ABCB1: variants seen among roughly 807,000 people sequenced by gnomAD.
ABCB1 encodes the protein ATP binding cassette subfamily B member 1, also known as ATP-dependent translocase ABCB1.
In ABCB1, 69 loss-of-function variants were observed where a neutral mutation model predicts 142.0. The ratio of observed to expected loss-of-function variants is 0.49; its 90% CI spans 0.40 to 0.59. ABCB1 has a LOEUF of 0.59. ABCB1 is among the 20% of genes least tolerant of loss of function. The probability of loss-of-function intolerance (pLI) is 0.00; values close to 1 mark genes in which losing one functional copy is unlikely to be tolerated. For missense variants in ABCB1, 1,326 were observed against 1,554.7 expected, an observed-to-expected ratio of 0.85 and a Z score of 2.47; for synonymous variants, 532 against 539.2, an observed-to-expected ratio of 0.99 and a Z score of 0.18.
chr7:87,571,399 G>C (rs548695218), intron 4 of ABCB1, among the ~76,000 whole-genome samples: 1 of 152,260 alleles, frequency 6.6e-6, no homozygotes, highest in Admixed American at 6.5e-5. Context: ...TGTTCTACGA[G>C]AGTTTAGCCA....
At chr7:87,677,191 A>G (rs1826453757) in intron 1 of ABCB1, among the ~76,000 whole-genome samples, 1 of 151,884 alleles carries the variant, frequency 6.6e-6, no homozygotes, top group South Asian at 2.1e-4. Flanking sequence ...TGTTTATTGC[A>G]GGATTTTTAA....
intron 21 of ABCB1, among the ~76,000 whole-genome samples, chr7:87,529,360 T>A (rs1432815435): frequency 6.6e-6 from 1 of 152,214 alleles, no homozygotes; most frequent in Non-Finnish European, 1.5e-5. Context: ...AGAAGTGTGT[T>A]CAGGTGGAAG....
chr7:87,617,037 AT>A (rs1397127977), intron 1 of ABCB1, among the ~76,000 whole-genome samples: 1 of 152,184 alleles, frequency 6.6e-6, no homozygotes, highest in African/African-American at 2.4e-5. Flanking sequence ...ATACAAGTTG[AT>A]TTGGGTTATA....
Position 87,693,423 on chromosome 7 carries a change from T to C in ABCB1, c.-331+19738A>G, listed in dbSNP as rs541003035. On this transcript the variant is annotated intron_variant, in intron 1 of 28. Transcript: ENST00000265724. ...TTCAAAATATATTTGTTTATAACTTTTAGAAAAGTTAACATTTAAAAATGT... is the reference window on the plus strand; with the variant it reads ...TTCAAAATATATTTGTTTATAACTTCTAGAAAAGTTAACATTTAAAAATGT... Among the ~76,000 whole-genome samples the C allele has an allele frequency of 2.0e-5, 3 of 152,342 alleles. No individual in the cohort carries two copies. In the South Asian group the frequency reaches 6.2e-4, roughly 32 times the overall value.
intron 1 of ABCB1, among the ~76,000 whole-genome samples, chr7:87,677,509 C>T (rs1302380423): frequency 6.6e-6 from 1 of 151,858 alleles, no homozygotes; most frequent in Admixed American, 6.6e-5. Flanking sequence ...ATGTTGATTA[C>T]CAGAGGCTGG....
At chr7:87,677,846 A>G (rs1826535612) in intron 1 of ABCB1, among the ~76,000 whole-genome samples, 1 of 152,232 alleles carries the variant, frequency 6.6e-6, no homozygotes, top group East Asian at 1.9e-4. Flanking sequence ...AAGTGAATGC[A>G]GGGTTTTCAA....
chr7:87,539,386 T>G, intron 18 of ABCB1, 41 bp from the exon 19 acceptor site: 1 of 1,582,336 alleles, frequency 6.3e-7, no homozygotes, highest in Non-Finnish European at 8.7e-7. Flanking sequence ...CCAGCCACCA[T>G]TTAAATAAAA....
At chr7:87,697,762 T>C (rs754904507) in intron 1 of ABCB1, among the ~76,000 whole-genome samples, 6 of 152,178 alleles carry the variant, frequency 3.9e-5, no homozygotes, top group Non-Finnish European at 7.4e-5. Flanking sequence ...TACTATCCAG[T>C]AGGTACTATC....
At chr7:87,578,838 C>T (rs906657672) in intron 4 of ABCB1, among the ~76,000 whole-genome samples, 1 of 151,508 alleles carries the variant, frequency 6.6e-6, no homozygotes, top group African/African-American at 2.4e-5. Context: ...GGACTACAGG[C>T]GCCCGCCACC....
chr7:87,694,259 T>G (rs868504314), intron 1 of ABCB1, among the ~76,000 whole-genome samples: 1 of 152,160 alleles, frequency 6.6e-6, no homozygotes, highest in African/African-American at 2.4e-5. Context: ...TGTATGAATA[T>G]TCCAGTCTCA....
chr7:87,586,100 T>C (rs560771546), intron 3 of ABCB1, among the ~76,000 whole-genome samples: 1 of 152,310 alleles, frequency 6.6e-6, no homozygotes, highest in South Asian at 2.1e-4. Context: ...TGTGTTGCTT[T>C]AAGAAAGTGG....
intron 4 of ABCB1, among the ~76,000 whole-genome samples, chr7:87,584,748 C>T: frequency 6.6e-6 from 1 of 152,116 alleles, no homozygotes; most frequent in African/African-American, 2.4e-5. Context: ...CTCATCTACC[C>T]ACCACTGGGT....
rs544701527 is a variant in ABCB1, at chr7:87,550,073, G to A, written c.1351-19C>T. On this transcript the variant is annotated intron_variant, in intron 12 of 27. Transcript: ENST00000622132. ...CACTGACCTGGAATAAAAAGTAAGT[G>A]TGACTTTCATACATTTGTAATTGAA... The A allele has an allele frequency of 6.2e-7, 1 of 1,614,006 alleles. No homozygotes were observed. Among genetic ancestry groups the A allele is most frequent in the Non-Finnish European group, 8.5e-7 (1 of 1,179,958 alleles).
At chr7:87,600,032 T>A (rs1158340958) in intron 2 of ABCB1, 85 bp downstream of exon 2, 1 of 1,260,904 alleles carries the variant, frequency 7.9e-7, no homozygotes, top group Admixed American at 1.9e-5. Context: ...CAACAACATG[T>A]CATTTATTTC....
intron 21 of ABCB1, among the ~76,000 whole-genome samples, chr7:87,529,034 G>A (rs980745453): frequency 6.6e-6 from 1 of 152,214 alleles, no homozygotes; most frequent in Non-Finnish European, 1.5e-5. Context: ...TTTGTTCCAA[G>A]TATGATCAGA....
chr7:87,652,071 T>C (rs972153103), intron 1 of ABCB1, among the ~76,000 whole-genome samples: 10 of 152,216 alleles, frequency 6.6e-5, no homozygotes, highest in South Asian at 4.1e-4. Flanking sequence ...TATTATTAGA[T>C]ACTATATTGT....
At position 87,555,408 on chromosome 7, in the gene ABCB1, T is replaced by G. The variant is rs146167601; in HGVS notation, c.828-1476A>C. Among the ~76,000 whole-genome samples the G allele has an allele frequency of 8.5e-5, 13 of 152,318 alleles. No individual in the cohort carries two copies. In the East Asian group the frequency reaches 2.5e-3, roughly 29 times the overall value. ...CAACTATATAAATATTATATAGCAT[T>G]ATATTAATTTCCTTTGGAGAACTTG... On this transcript the variant is annotated intron_variant, in intron 8 of 27. Coordinates refer to ENST00000622132, the MANE Select transcript of ABCB1 (RefSeq NM_001348946.2).
intron 4 of ABCB1, among the ~76,000 whole-genome samples, chr7:87,581,328 C>T (rs938559029): frequency 1.3e-5 from 2 of 152,046 alleles, no homozygotes; most frequent in Non-Finnish European, 2.9e-5. Context: ...TACAGGCACC[C>T]CACCTGCCGT....
chr7:87,509,540 T>C (rs1354353267), intron 25 of ABCB1, 59 bp from the exon 26 acceptor site: 2 of 1,527,778 alleles, frequency 1.3e-6, no homozygotes, highest in East Asian at 2.3e-5. Context: ...TGTAGCACAA[T>C]TAACATCATT....
Sources: gnomAD v4.1 joint callset for allele counts (sites outside exome capture counted in the v4.1 genomes callset) on GRCh38, gnomAD v4.1.1 for gene constraint, MANE v1.5 for transcripts, NCBI Gene and HGNC (gene_info 2026-07-23, HGNC 2026-07-21) for gene names.